CSMD1: variants seen among roughly 807,000 people sequenced by gnomAD.
CSMD1 encodes the protein CUB and Sushi multiple domains 1.
In CSMD1, 213 loss-of-function variants were observed where a neutral mutation model predicts 417.5. The observed-to-expected ratio is 0.51, with a 90% CI of 0.46 to 0.57. The LOEUF is 0.57. CSMD1 is among the 20% of genes least tolerant of loss of function. The pLI is 0.00. For synonymous variants in CSMD1, 2,862 were observed against 1,736.8 expected (o/e 1.65, Z -16.11); for missense variants, 6,923 against 4,529.7 (o/e 1.53, Z -15.17).
intron 3 of CSMD1, among the ~76,000 whole-genome samples, chr8:4,317,846 C>A (rs530683394): frequency 4.6e-4 from 70 of 152,178 alleles, no homozygotes; most frequent in African/African-American, 1.7e-3. Flanking sequence ...GTATTTTTGA[C>A]CAAGTTAAAC....
intron 7 of CSMD1, among the ~76,000 whole-genome samples, chr8:3,623,740 C>A (rs1164788126): frequency 1.3e-5 from 2 of 152,116 alleles, no homozygotes; most frequent in East Asian, 3.9e-4. Context: ...CTTTGGGAGG[C>A]CAAGGCAGGC....
At chr8:4,376,516 C>T (rs566869365) in intron 3 of CSMD1, among the ~76,000 whole-genome samples, 43 of 152,258 alleles carry the variant, frequency 2.8e-4, no homozygotes, top group Non-Finnish European at 4.6e-4. Context: ...ATTTTCCCCA[C>T]AGTATATTTA....
chr8:3,211,646 T>C (rs1319721555), intron 30 of CSMD1, among the ~76,000 whole-genome samples: 2 of 152,082 alleles, frequency 1.3e-5, no homozygotes, highest in East Asian at 3.9e-4. Context: ...GCCCTGCGAG[T>C]CTTGTCTGGA....
intron 5 of CSMD1, among the ~76,000 whole-genome samples, chr8:3,969,815 G>A (rs2627455): frequency 0.12 from 17,945 of 152,094 alleles, 1,109 homozygotes; most frequent in Middle Eastern, 0.15. Flanking sequence ...AGAGAAAGAC[G>A]GGGAGATTTT....
At chr8:3,021,274 G>A (rs965447056) in intron 51 of CSMD1, among the ~76,000 whole-genome samples, 1 of 152,194 alleles carries the variant, frequency 6.6e-6, no homozygotes, top group Non-Finnish European at 1.5e-5. Context: ...TAAAGAAGAA[G>A]TAATGGAGCA....
intron 41 of CSMD1, 40 bp from the exon 42 acceptor site, chr8:3,118,627 G>A: frequency 3.2e-6 from 5 of 1,579,178 alleles, no homozygotes; most frequent in Non-Finnish European, 4.3e-6. Flanking sequence ...TTATATTTGT[G>A]AGGTTAAATT....
At chr8:3,447,388 G>C (rs1367823279) in intron 12 of CSMD1, among the ~76,000 whole-genome samples, 3 of 152,104 alleles carry the variant, frequency 2.0e-5, no homozygotes, top group Non-Finnish European at 2.9e-5. Flanking sequence ...GAAAAAAAAA[G>C]ATGGCTTAGG....
At position 4,168,903 on chromosome 8, in the gene CSMD1, G is replaced by T. The variant is rs144670430; in HGVS notation, c.416-136804C>A. On this transcript the variant is annotated intron_variant, in intron 3 of 69. Coordinates refer to ENST00000635120, the MANE Select transcript of CSMD1 (RefSeq NM_033225.6). ...TGATATCAGGACTGCTTATCCAACC[G>T]CCAGTGCCAGGCCTTGCTCTGTTTA... 1.1e-3 allele frequency among the ~76,000 whole-genome samples: 166 copies of T among 152,124 alleles called. 2 individuals carry two copies. Among genetic ancestry groups the T allele is most frequent in the African/African-American group, 3.9e-3 (160 of 41,480 alleles).
At chr8:4,154,459 G>T (rs992818615) in intron 3 of CSMD1, among the ~76,000 whole-genome samples, 1 of 152,094 alleles carries the variant, frequency 6.6e-6, no homozygotes, top group Non-Finnish European at 1.5e-5. Flanking sequence ...AAATCAATGG[G>T]TATCTGTGGA....
chr8:3,324,202 A>T lies in CSMD1; in HGVS notation c.3632-15699T>A, dbSNP rs1806354816. Among the ~76,000 whole-genome samples, 3 of 130,456 alleles carry T rather than the reference A, an allele frequency of 2.3e-5. 1 individual carries two copies. The East Asian group carries it at 7.8e-4, about 34-fold the overall frequency. The allele number at this position is 130,456 out of a possible 152,430, so 85.6% of individuals were successfully genotyped here. ...TCACCCCACCTTTCATTGTTGTTAA[A>T]ATAGACACACACCCAACCCCAGAGA... is the stretch of plus-strand genomic sequence containing the variant. On this transcript the variant is annotated intron_variant, in intron 23 of 69. Transcript: ENST00000635120.
intron 3 of CSMD1, among the ~76,000 whole-genome samples, chr8:4,169,772 C>T (rs540563361): frequency 6.6e-6 from 1 of 152,242 alleles, no homozygotes; most frequent in South Asian, 2.1e-4. Flanking sequence ...TCATGGGATG[C>T]TTCTTTACCG....
At chr8:4,038,863 T>G (rs916540533) in intron 3 of CSMD1, among the ~76,000 whole-genome samples, 8 of 152,182 alleles carry the variant, frequency 5.3e-5, no homozygotes, top group East Asian at 3.9e-4. Context: ...GGCTTGAAAC[T>G]TGAAACATAG....
chr8:4,113,241 G>A (rs1012887513), intron 3 of CSMD1, among the ~76,000 whole-genome samples: 8 of 152,106 alleles, frequency 5.3e-5, no homozygotes, highest in African/African-American at 1.9e-4. Context: ...GTGTTCAATT[G>A]AAAGAAAGGA....
At chr8:4,648,221 G>A (rs192709095) in intron 1 of CSMD1, among the ~76,000 whole-genome samples, 2 of 152,202 alleles carry the variant, frequency 1.3e-5, no homozygotes, top group African/African-American at 4.8e-5. Context: ...CTTCTTTTGA[G>A]AAGTGTCTGT....
intron 7 of CSMD1, among the ~76,000 whole-genome samples, chr8:3,661,205 G>T (rs1218920318): frequency 6.6e-6 from 1 of 152,152 alleles, no homozygotes; most frequent in Non-Finnish European, 1.5e-5. Context: ...ACAAGATTGA[G>T]AACCTAATTT....
intron 3 of CSMD1, among the ~76,000 whole-genome samples, chr8:4,146,489 T>C (rs752552673): frequency 6.7e-6 from 1 of 150,276 alleles, no homozygotes; most frequent in East Asian, 1.9e-4. Flanking sequence ...GTTTACCCAG[T>C]TCCTCAGACG....
chr8:4,707,837 A>G (rs746844089), intron 1 of CSMD1, among the ~76,000 whole-genome samples: 6 of 142,772 alleles, frequency 4.2e-5, no homozygotes, highest in Non-Finnish European at 9.0e-5. Context: ...CAGTGAACCA[A>G]GATCGCACCA....
At chr8:2,999,812 G>C (rs1038721421) in intron 53 of CSMD1, 146 bp downstream of exon 53, 2 of 632,308 alleles carry the variant, frequency 3.2e-6, no homozygotes, top group Non-Finnish European at 5.1e-6. Context: ...CACCTCTCCT[G>C]TTCTCTTTCT....
intron 3 of CSMD1, among the ~76,000 whole-genome samples, chr8:4,220,902 A>G (rs1800990347): frequency 6.6e-6 from 1 of 152,162 alleles, no homozygotes; most frequent in Non-Finnish European, 1.5e-5. Context: ...TGGGAGGAAT[A>G]AGTAGGCTTC....
Sources: gnomAD v4.1 joint callset for allele counts (sites outside exome capture counted in the v4.1 genomes callset) on GRCh38, gnomAD v4.1.1 for gene constraint, MANE v1.5 for transcripts, NCBI Gene and HGNC (gene_info 2026-07-23, HGNC 2026-07-21) for gene names.